Variants in LRIF1 observed in about 807,000 individuals in gnomAD.
The protein encoded by LRIF1 is ligand-dependent nuclear receptor-interacting factor 1.
LRIF1 carries 32 observed loss-of-function variants against 52.7 expected under a neutral mutation model. The observed-to-expected ratio is 0.61, with a 90% CI of 0.46 to 0.82. The LOEUF (loss-of-function observed/expected upper bound fraction) is 0.82. LRIF1 is among the 40% of genes least tolerant of loss of function. LRIF1 has a pLI of 0.00. For missense variants in LRIF1, 887 were observed against 892.0 expected, an observed-to-expected ratio of 0.99 and a Z score of 0.07; for synonymous variants, 323 against 317.4, an observed-to-expected ratio of 1.02 and a Z score of -0.19.
At chr1:110,884,251 T>G in the LRIF1 span, among the ~76,000 whole-genome samples, 6 of 152,160 alleles carry the variant, frequency 3.9e-5, no homozygotes, top group African/African-American at 1.4e-4. Flanking sequence ...TCTCTTTGAT[T>G]TCTTCTTTCA....
At chr1:110,911,915 A>C in the LRIF1 span, among the ~76,000 whole-genome samples, 4 of 152,136 alleles carry the variant, frequency 2.6e-5, no homozygotes, top group African/African-American at 4.8e-5. Flanking sequence ...ATGGGCAAAA[A>C]CTGGAAGCAT....
At chr1:110,908,801 T>C in the LRIF1 span, among the ~76,000 whole-genome samples, 2 of 152,180 alleles carry the variant, frequency 1.3e-5, no homozygotes, top group African/African-American at 4.8e-5. Flanking sequence ...GCAAGTAACT[T>C]TGGAAACATA....
Position 110,949,905 on chromosome 1 carries a change from C to G in LRIF1, c.1815G>C (p.Lys605Asn). The G allele has an allele frequency of 6.2e-7, 1 of 1,614,138 alleles. No homozygotes were observed. The highest frequency in any genetic ancestry group is 2.2e-5 in the East Asian group (1 of 44,866). The change falls in exon 3 of 4, where the codon AAG becomes AAC. Residue 605 changes from lysine (K) to asparagine (N), a missense_variant. By Grantham distance (94) the Lys-to-Asn change is moderately conservative (BLOSUM62 0). Coordinates refer to ENST00000369763, the MANE Select transcript of LRIF1 (RefSeq NM_018372.4). ...EGFDSFSSLV[K>N]SGTYKETEFM... ...ACTCTGTCTCTTTGTAAGTACCACT[C>G]TTTACCAAACTGCTAAAGGAATCGA...
the LRIF1 span, among the ~76,000 whole-genome samples, chr1:110,919,313 C>T: frequency 6.6e-6 from 1 of 152,082 alleles, no homozygotes; most frequent in South Asian, 2.1e-4. Flanking sequence ...TAATCAGCTG[C>T]CAGCGAATAT....
downstream of LRIF1, chr1:110,945,148 G>GT (rs1658173975): frequency 6.6e-6 from 1 of 152,136 alleles, no homozygotes; most frequent in Non-Finnish European, 1.5e-5. Flanking sequence ...CTTCCAAAGT[G>GT]TAAGGATTAC....
At chr1:110,921,813 T>C in the LRIF1 span, among the ~76,000 whole-genome samples, 30,755 of 152,112 alleles carry the variant, frequency 0.2, 3,405 homozygotes, top group Non-Finnish European at 0.25. Flanking sequence ...TGATGAGAGG[T>C]GGTACCTTTT....
rs1010324062 is a variant in LRIF1 at position 110,947,298 on chromosome 1, T to G, written c.*661A>C. ...AGTCCCAAAAAAAAAAAAAGCAGCATTTGCCTGGGAACACATCACTATAAG... is the reference window on the plus strand; with the variant it reads ...AGTCCCAAAAAAAAAAAAAGCAGCAGTTGCCTGGGAACACATCACTATAAG... On this transcript the variant is annotated 3_prime_UTR_variant, in exon 4 of 4. Coordinates refer to ENST00000369763, the MANE Select transcript of LRIF1 (RefSeq NM_018372.4). The G allele has an allele frequency of 1.3e-5, 2 of 148,934 alleles. No individual in the cohort carries two copies. Among genetic ancestry groups the G allele is most frequent in the African/African-American group, 4.9e-5 (2 of 40,868 alleles). 9.2% of individuals were successfully genotyped at this position (148,934 alleles called of 1,614,324 possible). A position where few individuals can be genotyped will look rare whatever the true frequency, so the allele number is the denominator to read the frequency against.
the LRIF1 span, chr1:110,894,548 TGG>T: frequency 1.6e-6 from 1 of 611,734 alleles, no homozygotes; most frequent in Non-Finnish European, 2.9e-6. Flanking sequence ...TAATTGTAAT[TGG>T]GGGGAAAATT....
the LRIF1 span, among the ~76,000 whole-genome samples, chr1:110,906,594 A>C: frequency 1.3e-5 from 2 of 152,124 alleles, no homozygotes; most frequent in African/African-American, 4.8e-5. Flanking sequence ...TAAATAAATA[A>C]ACCTGAAAAA....
the LRIF1 span, among the ~76,000 whole-genome samples, chr1:110,908,911 T>C: frequency 6.6e-6 from 1 of 152,148 alleles, no homozygotes; most frequent in African/African-American, 2.4e-5. Flanking sequence ...TTATGCAAGA[T>C]GACCATCCCC....
At chr1:110,926,817 T>C in the LRIF1 span, among the ~76,000 whole-genome samples, 1 of 152,186 alleles carries the variant, frequency 6.6e-6, no homozygotes, top group African/African-American at 2.4e-5. Context: ...AATGTCAAGA[T>C]ACTGCTGCGG....
At chr1:110,959,758 A>AAAAT in intron 1 of LRIF1, among the ~76,000 whole-genome samples, 1 of 147,272 alleles carries the variant, frequency 6.8e-6, no homozygotes. Flanking sequence ...AAAAAAAAAA[A>AAAAT]GAATGAGAAA....
chr1:110,929,996 C>T, the LRIF1 span, among the ~76,000 whole-genome samples: 31 of 152,270 alleles, frequency 2.0e-4, no homozygotes, highest in African/African-American at 7.5e-4. Context: ...TACATGTACC[C>T]CTGCACCTAA....
the LRIF1 span, among the ~76,000 whole-genome samples, chr1:110,924,280 A>C: frequency 3.3e-5 from 5 of 152,216 alleles, no homozygotes; most frequent in African/African-American, 1.2e-4. Context: ...TGAATTCTAC[A>C]AAATATTAAA....
the LRIF1 span, among the ~76,000 whole-genome samples, chr1:110,915,444 C>CGCCAA: frequency 6.6e-6 from 1 of 152,020 alleles, no homozygotes; most frequent in Non-Finnish European, 1.5e-5. Flanking sequence ...GCCGAGATAG[C>CGCCAA]GCCAATGCAC....
chr1:110,936,883 G>C, the LRIF1 span: 1 of 152,012 alleles, frequency 6.6e-6, no homozygotes, highest in Non-Finnish European at 1.5e-5. Flanking sequence ...CAAATAAAGG[G>C]ATGGAAAAAG....
At chr1:110,917,821 G>T in the LRIF1 span, among the ~76,000 whole-genome samples, 1 of 151,934 alleles carries the variant, frequency 6.6e-6, no homozygotes, top group South Asian at 2.1e-4. Context: ...AGAACAATAT[G>T]AGAGAGGAAA....
the LRIF1 span, among the ~76,000 whole-genome samples, chr1:110,877,872 G>A: frequency 6.6e-6 from 1 of 152,248 alleles, no homozygotes; most frequent in East Asian, 1.9e-4. Context: ...GACGTACAGC[G>A]ATAACTTTGA....
In LRIF1 at chr1:110,963,634, T is replaced by G; in HGVS notation, c.55A>C (p.Asn19His). 6.2e-7 allele frequency: 1 copy of G among 1,609,630 alleles called. No individual in the cohort carries two copies. The highest frequency in any genetic ancestry group is 1.3e-5 in the African/African-American group (1 of 75,020). ...FLKPAEENSG[N>H]ASRCVSGCMY... ...ACCGGTACTTACCAACGCGAGGCGT[T>G]GCCTGAATTTTCCTCTGCGGGTTTC... The change falls in exon 1 of 4, where the codon AAC becomes CAC. Residue 19 changes from asparagine to histidine, a missense_variant. Transcript: ENST00000369763.
Sources: gnomAD v4.1 joint callset for allele counts (sites outside exome capture counted in the v4.1 genomes callset) on GRCh38, gnomAD v4.1.1 for gene constraint, MANE v1.5 for transcripts, NCBI Gene and HGNC (gene_info 2026-07-23, HGNC 2026-07-21) for gene names.